Variants in NRG1 observed in about 807,000 individuals in gnomAD.
NRG1 encodes the protein pro-neuregulin-1, membrane-bound isoform.
In NRG1, 18 loss-of-function variants were observed where a neutral mutation model predicts 63.8. The ratio of observed to expected loss-of-function variants is 0.28; its 90% CI spans 0.19 to 0.42. NRG1 has a LOEUF of 0.42. Ranked by LOEUF, NRG1 falls within the 10% of genes least tolerant of loss-of-function variation. The pLI, the probability that NRG1 is intolerant of heterozygous loss-of-function variation, is 1.00. For synonymous variants in NRG1, 302 were observed against 301.3 expected (o/e 1.00, Z -0.02); for missense variants, 762 against 814.7 (o/e 0.94, Z 0.79).
intron 1 of NRG1, among the ~76,000 whole-genome samples, chr8:31,719,415 T>C (rs1490072645): frequency 6.6e-6 from 1 of 152,210 alleles, no homozygotes; most frequent in Non-Finnish European, 1.5e-5. Context: ...TTTTCTGAAA[T>C]TGTGTCTTCA....
chr8:32,364,230 A>C (rs1807648814), intron 1 of NRG1, among the ~76,000 whole-genome samples: 1 of 152,022 alleles, frequency 6.6e-6, no homozygotes. Flanking sequence ...AACCAAACTC[A>C]AAACAAAATA....
chr8:32,150,474 G>T lies in NRG1; in HGVS notation c.38-445354G>T, dbSNP rs377122353. 2.6e-4 allele frequency among the ~76,000 whole-genome samples: 39 copies of T among 152,270 alleles called. No homozygotes were observed. The Middle Eastern group carries it at 0.01, about 40-fold the overall frequency. On this transcript the variant is annotated intron_variant, in intron 1 of 10. Transcript: ENST00000519301. The stretch of plus-strand genomic sequence containing the variant: ...ATGGGTTCATGCTCTTATAAAAGAG[G>T]TTGAAGAGAGCACCCTAGGGCCTCT...
At chr8:32,316,038 A>C (rs1369202801) in intron 1 of NRG1, among the ~76,000 whole-genome samples, 1 of 152,228 alleles carries the variant, frequency 6.6e-6, no homozygotes, top group Non-Finnish European at 1.5e-5. Flanking sequence ...TAGAATACAA[A>C]TACATGATAT....
intron 1 of NRG1, among the ~76,000 whole-genome samples, chr8:32,418,248 C>T (rs963144551): frequency 6.6e-5 from 10 of 151,934 alleles, no homozygotes; most frequent in East Asian, 1.9e-4. Flanking sequence ...TAAAATATAA[C>T]GTGTGTTACA....
At chr8:32,013,677 G>A (rs1373679799) in intron 1 of NRG1, among the ~76,000 whole-genome samples, 1 of 152,078 alleles carries the variant, frequency 6.6e-6, no homozygotes, top group Non-Finnish European at 1.5e-5. Flanking sequence ...GACTCCCATA[G>A]ATTTGGAAAC....
chr8:31,853,271 T>A (rs1457314004), intron 1 of NRG1, among the ~76,000 whole-genome samples: 3 of 151,912 alleles, frequency 2.0e-5, no homozygotes, highest in Non-Finnish European at 4.4e-5. Context: ...TTTGTTTGTA[T>A]CCTCTTTTAT....
intron 1 of NRG1, among the ~76,000 whole-genome samples, chr8:32,120,005 G>C (rs1171308668): frequency 2.0e-5 from 3 of 151,862 alleles, no homozygotes; most frequent in Non-Finnish European, 4.4e-5. Context: ...ATAAGACCTT[G>C]GGCAATTTAT....
At chr8:31,784,348 A>G (rs1819979527) in intron 1 of NRG1, among the ~76,000 whole-genome samples, 1 of 152,180 alleles carries the variant, frequency 6.6e-6, no homozygotes, top group Non-Finnish European at 1.5e-5. Flanking sequence ...CTGCATTCCC[A>G]TTTCATGGAA....
intron 1 of NRG1, among the ~76,000 whole-genome samples, chr8:32,576,650 G>C (rs1839689800): frequency 6.6e-6 from 1 of 152,026 alleles, no homozygotes; most frequent in Non-Finnish European, 1.5e-5. Context: ...GCTGCCCCTG[G>C]CACAGTGTAA....
intron 1 of NRG1, among the ~76,000 whole-genome samples, chr8:31,744,514 T>A (rs760156972): frequency 6.6e-6 from 1 of 151,984 alleles, no homozygotes; most frequent in Non-Finnish European, 1.5e-5. Context: ...GCAGGAAGGT[T>A]TACCTTCAGC....
chr8:31,895,772 G>T (rs1208883932), intron 1 of NRG1, among the ~76,000 whole-genome samples: 1 of 152,006 alleles, frequency 6.6e-6, no homozygotes, highest in African/African-American at 2.4e-5. Context: ...TTCAATTTTG[G>T]TGGGTTCTGG....
intron 7 of NRG1, chr8:32,743,269 CATTTTT>C: frequency 1.0e-6 from 1 of 967,452 alleles, no homozygotes; most frequent in Non-Finnish European, 1.2e-6. Flanking sequence ...TGCATTGAGG[CATTTTT>C]TTAAAAAAGC....
intron 1 of NRG1, among the ~76,000 whole-genome samples, chr8:31,730,277 T>A (rs1385983485): frequency 6.6e-6 from 1 of 152,132 alleles, no homozygotes; most frequent in African/African-American, 2.4e-5. Context: ...TCCTGACAAA[T>A]CCTTGGAGTG....
rs1452257895 is a variant in NRG1 at position 31,948,096 on chromosome 8, A to T, written c.37+308665A>T. 3.3e-5 allele frequency among the ~76,000 whole-genome samples: 5 copies of T among 152,188 alleles called. No individual in the cohort carries two copies. In the South Asian group the frequency reaches 1.0e-3, roughly 31 times the overall value. On this transcript the variant is annotated intron_variant, in intron 1 of 10. Coordinates refer to the NRG1 transcript ENST00000519301. Reference sequence around the variant, plus strand: ...TGTGTGCGCATGCACATATACACACATATGCACATATGTATATATGTGTAT... The same window carrying T: ...TGTGTGCGCATGCACATATACACACTTATGCACATATGTATATATGTGTAT...
At chr8:31,775,095 T>G (rs1818992202) in intron 1 of NRG1, among the ~76,000 whole-genome samples, 1 of 152,186 alleles carries the variant, frequency 6.6e-6, no homozygotes, top group African/African-American at 2.4e-5. Context: ...ACCAGATATC[T>G]ACACAAAAGA....
intron 1 of NRG1, among the ~76,000 whole-genome samples, chr8:32,215,511 C>T (rs1194034050): frequency 1.3e-5 from 2 of 152,162 alleles, no homozygotes; most frequent in Non-Finnish European, 2.9e-5. Context: ...TCTCACTAAT[C>T]CTCACACACT....
rs77120341 is a variant in NRG1 at position 31,748,034 on chromosome 8, T to C, written c.37+108603T>C. ...ACTTTGCAAGGTCAACTTTTAACCA[T>C]TTTTGTTGTTCTTTGCCAAACATTG... On this transcript the variant is annotated intron_variant, in intron 1 of 10. Coordinates refer to the NRG1 transcript ENST00000519301. Among the ~76,000 whole-genome samples the C allele has an allele frequency of 9.9e-3, 1,507 of 152,096 alleles. 26 individuals carry two copies. The highest frequency in any genetic ancestry group is 0.034 in the African/African-American group (1,406 of 41,532).
chr8:32,680,982 C>T (rs1209046817), intron 5 of NRG1, among the ~76,000 whole-genome samples: 6 of 152,102 alleles, frequency 3.9e-5, no homozygotes, highest in Middle Eastern at 3.4e-3. Context: ...CATAAGAATA[C>T]GTTAATAAAT....
intron 1 of NRG1, among the ~76,000 whole-genome samples, chr8:32,503,402 TC>T (rs769012185): frequency 6.6e-6 from 1 of 151,352 alleles, no homozygotes; most frequent in Non-Finnish European, 1.5e-5. Context: ...TTCATGAATA[TC>T]CGTCATTTAA....
Sources: allele counts gnomAD v4.1 joint callset (sites outside exome capture counted in the v4.1 genomes callset), GRCh38; gene constraint gnomAD v4.1.1; transcripts MANE v1.5; gene names NCBI Gene and HGNC (gene_info 2026-07-23, HGNC 2026-07-21).